The following DEPDC1B variants were observed in gnomAD, a reference collection of about 807,000 sequenced individuals.
DEPDC1B encodes the protein DEP domain-containing protein 1B.
A neutral mutation model predicts 66.5 loss-of-function variants in DEPDC1B; 51 were observed. The observed-to-expected ratio is 0.77, with a 90% CI of 0.61 to 0.97. The LOEUF is 0.97. Among genes scored for constraint, DEPDC1B ranks in the 50% least tolerant of loss-of-function variants. The pLI is 0.00. For synonymous variants in DEPDC1B, 226 were observed against 223.6 expected, an observed-to-expected ratio of 1.01 and a Z score of -0.10; for missense variants, 552 against 637.1, an observed-to-expected ratio of 0.87 and a Z score of 1.44.
At chr5:60,638,326 A>G (rs887351160) in intron 7 of DEPDC1B, among the ~76,000 whole-genome samples, 1 of 152,210 alleles carries the variant, frequency 6.6e-6, no homozygotes, top group Non-Finnish European at 1.5e-5. Context: ...AAATACTACA[A>G]AAAACCTGTT....
chr5:60,642,749 T>G, intron 6 of DEPDC1B, 63 bp downstream of exon 6: 1 of 1,335,566 alleles, frequency 7.5e-7, no homozygotes, highest in South Asian at 1.3e-5. Flanking sequence ...AGCAGAAATT[T>G]TTCCTAATTT....
At chr5:60,631,474 G>A (rs1752923568) in intron 7 of DEPDC1B, among the ~76,000 whole-genome samples, 2 of 152,150 alleles carry the variant, frequency 1.3e-5, no homozygotes, top group African/African-American at 2.4e-5. Flanking sequence ...ATAAGTGATG[G>A]GGAGGACTCT....
At chr5:60,693,959 TAAACATAATGAAG>T (rs1754601588) in intron 1 of DEPDC1B, among the ~76,000 whole-genome samples, 1 of 152,178 alleles carries the variant, frequency 6.6e-6, no homozygotes, top group African/African-American at 2.4e-5. Flanking sequence ...ATGCATTACA[TAAACATAATGAAG>T]GCATGGCTCT....
chr5:60,677,023 G>A (rs1395290730), intron 2 of DEPDC1B, among the ~76,000 whole-genome samples: 1 of 152,110 alleles, frequency 6.6e-6, no homozygotes, highest in Non-Finnish European at 1.5e-5. Context: ...GGCTGGGGGA[G>A]GGATATGTGA....
chr5:60,659,622 C>T (rs1306918148), intron 2 of DEPDC1B, among the ~76,000 whole-genome samples: 1 of 152,212 alleles, frequency 6.6e-6, no homozygotes, highest in Non-Finnish European at 1.5e-5. Context: ...ACGGCACAGC[C>T]AGAAGTCTCT....
chr5:60,624,064 T>C (rs1171403145), intron 7 of DEPDC1B, among the ~76,000 whole-genome samples: 2 of 152,172 alleles, frequency 1.3e-5, no homozygotes, highest in Non-Finnish European at 2.9e-5. Context: ...ATGAGTTTTG[T>C]CTTTTTCTGA....
chr5:60,598,290 G>A (rs915948199), intron 10 of DEPDC1B, among the ~76,000 whole-genome samples: 3 of 152,162 alleles, frequency 2.0e-5, no homozygotes, highest in Non-Finnish European at 2.9e-5. Context: ...CTGCTCAAAT[G>A]GAAGAGGGAA....
chr5:60,600,414 C>T (rs1752180265), intron 9 of DEPDC1B, among the ~76,000 whole-genome samples: 1 of 152,142 alleles, frequency 6.6e-6, no homozygotes, highest in Non-Finnish European at 1.5e-5. Flanking sequence ...AAAACATTGC[C>T]TACCTAATAA....
intron 7 of DEPDC1B, among the ~76,000 whole-genome samples, chr5:60,608,527 G>A (rs1752354802): frequency 6.7e-6 from 1 of 149,314 alleles, no homozygotes; most frequent in South Asian, 2.1e-4. Context: ...TTGAAGTTAT[G>A]CAACAATATT....
intron 2 of DEPDC1B, among the ~76,000 whole-genome samples, chr5:60,658,692 G>T (rs532659209): frequency 1.3e-5 from 2 of 152,306 alleles, no homozygotes; most frequent in African/African-American, 4.8e-5. Flanking sequence ...TATATCACCT[G>T]AGAGCACAGG....
intron 7 of DEPDC1B, among the ~76,000 whole-genome samples, chr5:60,627,816 A>T (rs897908369): frequency 2.0e-5 from 3 of 152,166 alleles, no homozygotes; most frequent in African/African-American, 7.2e-5. Flanking sequence ...AATAAAAAAA[A>T]GATAGGAGGA....
chr5:60,604,131 T>C (rs1752261639), intron 8 of DEPDC1B, among the ~76,000 whole-genome samples: 1 of 150,854 alleles, frequency 6.6e-6, no homozygotes, highest in African/African-American at 2.4e-5. Flanking sequence ...GTACATTAAG[T>C]GATGAGACTC....
intron 2 of DEPDC1B, among the ~76,000 whole-genome samples, chr5:60,656,835 G>A (rs1189469831): frequency 6.6e-6 from 1 of 152,100 alleles, no homozygotes. Flanking sequence ...CAACACATGG[G>A]GATTGTAGGG....
chr5:60,688,914 T>G (rs1001387340), intron 1 of DEPDC1B: 6 of 415,090 alleles, frequency 1.4e-5, no homozygotes, highest in Non-Finnish European at 1.9e-5. Context: ...GCTTCCACTT[T>G]ATTTAGGAAC....
At chr5:60,689,507 A>G (rs1649503531) in intron 1 of DEPDC1B, among the ~76,000 whole-genome samples, 1 of 152,238 alleles carries the variant, frequency 6.6e-6, no homozygotes, top group African/African-American at 2.4e-5. Flanking sequence ...ACCAATTTGT[A>G]TATTCAAATC....
intron 1 of DEPDC1B, among the ~76,000 whole-genome samples, chr5:60,691,811 G>A (rs1754552258): frequency 6.6e-6 from 1 of 152,104 alleles, no homozygotes; most frequent in Admixed American, 6.5e-5. Flanking sequence ...TGAAAGACAG[G>A]TGGATCTACT....
Position 60,687,189 on chromosome 5 carries a change from C to T in DEPDC1B, c.87G>A (p.Pro29=), listed in dbSNP as rs141130029. ...TGAAACGACAGCGATGTTTCCGTAA[C>T]GGCATCTTAGCACGAAAAAGCTCCA... ...ETVELFRAKM[P]LRKHRCRFKS... The change falls in exon 2 of 11, where the codon CCG becomes CCA. Residue 29 remains proline (P), a synonymous_variant. Transcript: ENST00000265036. The T allele has an allele frequency of 4.0e-5, 64 of 1,613,426 alleles. No homozygotes were observed. In the East Asian group the frequency reaches 1.0e-3, roughly 25 times the overall value.
At chr5:60,673,443 G>T (rs951062188) in intron 2 of DEPDC1B, among the ~76,000 whole-genome samples, 5 of 152,142 alleles carry the variant, frequency 3.3e-5, no homozygotes, top group Non-Finnish European at 7.3e-5. Flanking sequence ...CATATGTGAG[G>T]ATCTAATTAA....
intron 1 of DEPDC1B, 146 bp downstream of exon 1, chr5:60,699,900 G>A (rs940938092): frequency 2.1e-6 from 2 of 966,832 alleles, no homozygotes; most frequent in Middle Eastern, 2.4e-4. Context: ...TCCACTAAAA[G>A]GCAGCCCCAG....
Sources: gnomAD v4.1 joint callset for allele counts (sites outside exome capture counted in the v4.1 genomes callset) on GRCh38, gnomAD v4.1.1 for gene constraint, MANE v1.5 for transcripts, NCBI Gene and HGNC (gene_info 2026-07-23, HGNC 2026-07-21) for gene names.